Variants in NIBAN2 observed in about 807,000 individuals in gnomAD.
The protein encoded by NIBAN2 is protein Niban 2.
NIBAN2 carries 36 observed loss-of-function variants against 81.8 expected under a neutral mutation model. The ratio of observed to expected loss-of-function variants is 0.44; its 90% CI spans 0.34 to 0.58. The LOEUF (loss-of-function observed/expected upper bound fraction) is 0.58, where lower values mean the gene tolerates loss of function less well. NIBAN2 is among the 20% of genes least tolerant of loss of function. The pLI, the probability that NIBAN2 is intolerant of heterozygous loss-of-function variation, is 0.02. For missense variants in NIBAN2, 897 were observed against 1,014.1 expected (o/e 0.88, Z 1.57); for synonymous variants, 445 against 441.6 (o/e 1.01, Z -0.10).
chr9:127,520,202 G>A (rs1295863798), intron 5 of NIBAN2, among the ~76,000 whole-genome samples: 1 of 148,552 alleles, frequency 6.7e-6, no homozygotes, highest in Non-Finnish European at 1.5e-5. Flanking sequence ...CAGTACCCCA[G>A]AACGTGATTA....
At position 127,536,131 on chromosome 9, in the gene NIBAN2, G is replaced by A. The variant is rs1456425431; in HGVS notation, c.56-4353C>T. On this transcript the variant is annotated intron_variant, in intron 1 of 13. Transcript: ENST00000373312. The surrounding 1 kb of genome is among the most constrained non-coding windows in gnomAD (Gnocchi z 4.0). ...AGCCCCGAGCACATTCTTGAGAGAT[G>A]TCCTCAGCCAGCATGGAAGGAACCG... Among the ~76,000 whole-genome samples the A allele has an allele frequency of 6.6e-6, 1 of 152,182 alleles. No homozygotes were observed. Among genetic ancestry groups the A allele is most frequent in the African/African-American group, 2.4e-5 (1 of 41,446 alleles).
At chr9:127,550,069 C>CCAT (rs1242418075) in intron 1 of NIBAN2, among the ~76,000 whole-genome samples, 4 of 152,184 alleles carry the variant, frequency 2.6e-5, no homozygotes, top group Admixed American at 1.3e-4. Flanking sequence ...CAGTGTCTCC[C>CCAT]CATCACTGGC....
intron 1 of NIBAN2, among the ~76,000 whole-genome samples, chr9:127,568,177 G>A (rs1837890738): frequency 6.6e-6 from 1 of 152,160 alleles, no homozygotes; most frequent in African/African-American, 2.4e-5. Flanking sequence ...GGCCCTGAGG[G>A]CCCCCCACTC....
intron 1 of NIBAN2, among the ~76,000 whole-genome samples, chr9:127,576,925 TTG>T (rs1345509818): frequency 6.6e-6 from 1 of 150,832 alleles, no homozygotes; most frequent in African/African-American, 2.4e-5. Flanking sequence ...ACTCCTAACC[TTG>T]TGATCCACCT....
At chr9:127,521,300 C>A (rs1836936950) in intron 5 of NIBAN2, among the ~76,000 whole-genome samples, 1 of 152,170 alleles carries the variant, frequency 6.6e-6, no homozygotes, top group South Asian at 2.1e-4. Flanking sequence ...GAACCCAGGA[C>A]CAGCTGACTC....
chr9:127,510,301 G>C lies in NIBAN2; in HGVS notation c.1006C>G (p.Arg336Gly). 2 of 1,613,440 alleles carry C rather than the reference G, an allele frequency of 1.2e-6. No individual in the cohort carries two copies. Among genetic ancestry groups the C allele is most frequent in the South Asian group, 1.1e-5 (1 of 91,024 alleles). ...GGGATGTAGGGCTGGACATGGTTCCGCACGCACACCTCTGCCTTGGGGAGG... is the reference window on the plus strand; with the variant it reads ...GGGATGTAGGGCTGGACATGGTTCCCCACGCACACCTCTGCCTTGGGGAGG... ...FILPKAEVCV[R>G]NHVQPYIPSI... Residue 336 changes from arginine to glycine, a missense_variant, in exon 9 of 14, where the codon CGG becomes GGG. Physicochemically the swap from Arg to Gly is moderately radical, Grantham distance 125. Around this residue, in one of 3 missense-constraint regions of NIBAN2, gnomAD observed 619 missense variants for 691.0 expected, o/e 0.90. Transcript: ENST00000373312.
chr9:127,555,795 C>A (rs936135815), intron 1 of NIBAN2, among the ~76,000 whole-genome samples: 1 of 152,228 alleles, frequency 6.6e-6, no homozygotes, highest in African/African-American at 2.4e-5. Context: ...TTCTTTATAG[C>A]AATTCGCCCT....
At position 127,517,882 on chromosome 9, in the gene NIBAN2, G is replaced by T. The variant is rs1221660805; in HGVS notation, c.649C>A (p.Arg217=). ...PAFTDAIRMY[R]QSKELYGTWE... ...GTGCCGTACAGCTCCTTGGACTGTCGGTACATGCGGATGGCATCTGTGAAC... is the reference window on the plus strand; with the variant it reads ...GTGCCGTACAGCTCCTTGGACTGTCTGTACATGCGGATGGCATCTGTGAAC... Residue 217 remains arginine, a synonymous_variant, in exon 6 of 14, where the codon CGA becomes AGA. Coordinates refer to ENST00000373312, the MANE Select transcript of NIBAN2 (RefSeq NM_022833.4). The surrounding 1 kb of genome is among the most constrained non-coding windows in gnomAD (Gnocchi z 4.0). 6.2e-7 allele frequency: 1 copy of T among 1,613,472 alleles called. No individual in the cohort carries two copies. Among genetic ancestry groups the T allele is most frequent in the South Asian group, 1.1e-5 (1 of 90,998 alleles).
At chr9:127,509,333 C>T (rs759957506) in intron 9 of NIBAN2, among the ~76,000 whole-genome samples, 10 of 152,130 alleles carry the variant, frequency 6.6e-5, no homozygotes, top group South Asian at 2.1e-4. Flanking sequence ...GCATGGAGGG[C>T]GCAGTCCAGT....
chr9:127,527,343 G>T, intron 2 of NIBAN2, 21 bp from the exon 3 acceptor site: 1 of 1,610,102 alleles, frequency 6.2e-7, no homozygotes, highest in Non-Finnish European at 8.5e-7. Context: ...GAGCGGGTGG[G>T]GAGTGAGGCC....
chr9:127,554,479 G>C, intron 1 of NIBAN2, among the ~76,000 whole-genome samples: 1 of 151,590 alleles, frequency 6.6e-6, no homozygotes, highest in Non-Finnish European at 1.5e-5. Flanking sequence ...CTTAGATTCT[G>C]AAGTCAGACA....
At chr9:127,571,724 A>T (rs1331698235), upstream of NIBAN2, among the ~76,000 whole-genome samples, 1 of 152,028 alleles carries the variant, frequency 6.6e-6, no homozygotes, top group Non-Finnish European at 1.5e-5. Context: ...AAAAAAACAG[A>T]AAGTGGAAAG....
At position 127,559,381 on chromosome 9, in the gene NIBAN2, C is replaced by T. The variant is rs1336539473; in HGVS notation, c.55+9439G>A. Among the ~76,000 whole-genome samples the T allele has an allele frequency of 6.6e-6, 1 of 152,186 alleles. No individual in the cohort carries two copies. Among genetic ancestry groups the T allele is most frequent in the African/African-American group, 2.4e-5 (1 of 41,446 alleles). ...CAGCTGGAAGTGCATGCCCGTTGCA[C>T]AGATAGGCAAAGTGAGGAGGAGGCA... On this transcript the variant is annotated intron_variant, in intron 1 of 13. Transcript: ENST00000373312. This position sits in a 1 kb window ranked among gnomAD's most constrained non-coding sequence, Gnocchi z 4.0.
At position 127,507,753 on chromosome 9, in the gene NIBAN2, GTGCA is replaced by G; in HGVS notation, c.1654+110_1654+113del. On this transcript the variant is annotated intron_variant, in intron 13 of 13. Coordinates refer to ENST00000373312, the MANE Select transcript of NIBAN2 (RefSeq NM_022833.4). This position sits in a 1 kb window ranked among gnomAD's most constrained non-coding sequence, Gnocchi z 6.8. ...AGAGTGGGCTTCACCCAGACCCCAG[GTGCA>G]AGTCTGGGCTTTTCTTTGAGCCTTA... 1 of 944,490 alleles carries G rather than the reference GTGCA, an allele frequency of 1.1e-6. No homozygotes were observed. The allele number at this position is 944,490 out of a possible 1,614,324, so 58.5% of individuals were successfully genotyped here.
Position 127,529,346 on chromosome 9 carries a change from A to C in NIBAN2, c.187-2024T>G, listed in dbSNP as rs1242011128. Among the ~76,000 whole-genome samples, 7 of 152,314 alleles carry C rather than the reference A, an allele frequency of 4.6e-5. No individual in the cohort carries two copies. The East Asian group carries it at 1.4e-3, about 29-fold the overall frequency. On this transcript the variant is annotated intron_variant, in intron 2 of 13. Coordinates refer to ENST00000373312, the MANE Select transcript of NIBAN2 (RefSeq NM_022833.4). ...GAGCAAACAGTACCGGCATAAGATA[A>C]CTGCTGTTTTAGCCGGGCGCTGTGG...
chr9:127,568,923 CG>C lies in NIBAN2; in HGVS notation c.-50del. The C allele has an allele frequency of 8.1e-7, 1 of 1,232,772 alleles. No individual in the cohort carries two copies. The highest frequency in any genetic ancestry group is 2.9e-5 in the South Asian group (1 of 34,324). The allele number at this position is 1,232,772 out of a possible 1,614,324, so 76.4% of individuals were successfully genotyped here. On this transcript the variant is annotated 5_prime_UTR_variant, in exon 1 of 14. Coordinates refer to ENST00000373312, the MANE Select transcript of NIBAN2 (RefSeq NM_022833.4). The stretch of plus-strand genomic sequence containing the variant: ...TCCGGCCGACGCCGCCGCTGTTGCC[CG>C]CGCTGCTCAGGCGGACGCCGCTGGC...
Position 127,536,290 on chromosome 9 carries a change from G to A in NIBAN2, c.56-4512C>T, listed in dbSNP as rs1837277425. Among the ~76,000 whole-genome samples the A allele has an allele frequency of 6.6e-6, 1 of 152,202 alleles. No individual in the cohort carries two copies. Among genetic ancestry groups the A allele is most frequent in the South Asian group, 2.1e-4 (1 of 4,834 alleles). ...GGGAGGGGGCCAGCCTGGACAAAGG[G>A]CTTGCAGGGCCTTCCTGGCTGGACC... is the stretch of plus-strand genomic sequence containing the variant. On this transcript the variant is annotated intron_variant, in intron 1 of 13. Transcript: ENST00000373312. The surrounding 1 kb of genome is among the most constrained non-coding windows in gnomAD (Gnocchi z 4.0).
intron 1 of NIBAN2, among the ~76,000 whole-genome samples, chr9:127,567,946 C>A (rs571106772): frequency 6.6e-6 from 1 of 152,300 alleles, no homozygotes; most frequent in African/African-American, 2.4e-5. Context: ...GCTCCACCAG[C>A]CAGGAGAGAT....
chr9:127,523,560 T>C lies in NIBAN2; in HGVS notation c.589+119A>G, dbSNP rs75871935. The C allele has an allele frequency of 6.9e-3, 6,738 of 972,812 alleles. 279 individuals carry two copies. In the African/African-American group the frequency reaches 0.092, roughly 13 times the overall value. The allele number at this position is 972,812 out of a possible 1,614,324, so 60.3% of individuals were successfully genotyped here. A position where few individuals can be genotyped will look rare whatever the true frequency, so the allele number is the denominator to read the frequency against. On this transcript the variant is annotated intron_variant, in intron 5 of 13. Transcript: ENST00000373312. ...GTTTCTTATAACCCCAGAAGGGAAA[T>C]TAGAACAGCCTGTAGAGCAGGGTTG... is the stretch of plus-strand genomic sequence containing the variant.
Sources: gnomAD v4.1 joint callset for allele counts (sites outside exome capture counted in the v4.1 genomes callset) on GRCh38, gnomAD v4.1.1 for gene constraint, gnomAD v4.1.1 regional missense constraint, Gnocchi (gnomAD v3.1) non-coding constraint, MANE v1.5 for transcripts, NCBI Gene and HGNC (gene_info 2026-07-23, HGNC 2026-07-21) for gene names.